Variants in DARS1 observed in about 807,000 individuals in gnomAD.
The protein encoded by DARS1 is aspartyl-tRNA synthetase 1, also known as aspartate--tRNA ligase, cytoplasmic.
Under a neutral mutation model 68.8 loss-of-function variants are expected in DARS1, and 51 were observed. The ratio of observed to expected loss-of-function variants is 0.74; its 90% CI spans 0.59 to 0.94. DARS1 has a LOEUF of 0.94. DARS1 is among the 40% of genes least tolerant of loss of function. DARS1 has a pLI of 0.00. For synonymous variants in DARS1, 203 were observed against 190.4 expected (o/e 1.07, Z -0.55); for missense variants, 607 against 597.3 (o/e 1.02, Z -0.17).
chr2:135,938,773 A>G (rs898456369), intron 5 of DARS1, among the ~76,000 whole-genome samples: 1 of 152,152 alleles, frequency 6.6e-6, no homozygotes. Flanking sequence ...CCCATCTCAC[A>G]TGCAGAGACA....
chr2:135,915,320 C>T (rs1012758168), intron 11 of DARS1, among the ~76,000 whole-genome samples: 17 of 152,164 alleles, frequency 1.1e-4, no homozygotes, highest in African/African-American at 3.9e-4. Flanking sequence ...GGCTTTCACT[C>T]TGTCACCCAG....
chr2:135,964,816 G>A (rs1377189088), intron 3 of DARS1, among the ~76,000 whole-genome samples: 1 of 138,870 alleles, frequency 7.2e-6, no homozygotes, highest in East Asian at 2.1e-4. Context: ...ACTCCAGCCT[G>A]GGTAACAGAG....
intron 3 of DARS1, among the ~76,000 whole-genome samples, chr2:135,977,748 T>C (rs2104847754): frequency 6.6e-6 from 1 of 152,298 alleles, no homozygotes; most frequent in Non-Finnish European, 1.5e-5. Context: ...CTCTTAACAA[T>C]GGTGGCCCTA....
At position 135,983,406 on chromosome 2, in the gene DARS1, C is replaced by G; in HGVS notation, c.115G>C (p.Glu39Gln). The G allele has an allele frequency of 8.5e-7, 1 of 1,170,756 alleles. No homozygotes were observed. Among genetic ancestry groups the G allele is most frequent in the Non-Finnish European group, 1.3e-6 (1 of 782,790 alleles). 72.5% of individuals were successfully genotyped at this position (1,170,756 alleles called of 1,614,324 possible). A position where few individuals can be genotyped will look rare whatever the true frequency, so the allele number is the denominator to read the frequency against. ...YGISSMIQSQ[E>Q]KPDRVLVRVR... Reference sequence around the variant, plus strand: ...TCACATAGCTACTAACCTGGTTTTTCTTGTGATTGTATCATTGAAGATATT... The same window carrying G: ...TCACATAGCTACTAACCTGGTTTTTGTTGTGATTGTATCATTGAAGATATT... The change falls in exon 2 of 16, where the codon GAA becomes CAA. Residue 39 changes from glutamate (E) to glutamine (Q), a missense_variant. Transcript: ENST00000264161.
chr2:135,932,323 A>G (rs1558783919), intron 7 of DARS1, among the ~76,000 whole-genome samples: 1 of 152,234 alleles, frequency 6.6e-6, no homozygotes, highest in African/African-American at 2.4e-5. Context: ...AGACTACTGC[A>G]TAAACCACCA....
chr2:135,955,395 T>C (rs898142142), intron 4 of DARS1, among the ~76,000 whole-genome samples: 1 of 152,038 alleles, frequency 6.6e-6, no homozygotes, highest in Admixed American at 6.6e-5. Flanking sequence ...CACATTCAAA[T>C]GAGTAATTTT....
chr2:135,974,268 G>C (rs2104844977), intron 3 of DARS1, among the ~76,000 whole-genome samples: 1 of 152,316 alleles, frequency 6.6e-6, no homozygotes, highest in African/African-American at 2.4e-5. Flanking sequence ...GCATGACTGA[G>C]AATGACCACA....
At chr2:135,921,556 T>C (rs1681110586) in intron 9 of DARS1, among the ~76,000 whole-genome samples, 1 of 152,188 alleles carries the variant, frequency 6.6e-6, no homozygotes, top group Admixed American at 6.6e-5. Context: ...ACCCATTTGC[T>C]GATGGTATAG....
intron 1 of DARS1, chr2:135,985,072 T>C (rs1400849345): frequency 7.9e-6 from 3 of 381,976 alleles, no homozygotes; most frequent in Non-Finnish European, 1.4e-5. Context: ...CCAGGGATTG[T>C]GCATTACGTG....
chr2:135,968,805 G>A (rs968184887), intron 3 of DARS1, among the ~76,000 whole-genome samples: 3 of 151,996 alleles, frequency 2.0e-5, no homozygotes, highest in Admixed American at 6.6e-5. Flanking sequence ...GGGATTACAG[G>A]CGTGTGCCAT....
At chr2:135,963,072 A>G (rs972887338) in intron 3 of DARS1, among the ~76,000 whole-genome samples, 3 of 152,222 alleles carry the variant, frequency 2.0e-5, no homozygotes, top group African/African-American at 4.8e-5. Context: ...GAAAGAATGG[A>G]GAACTCTAAA....
chr2:135,971,720 C>T lies in DARS1; in HGVS notation c.217+7554G>A, dbSNP rs78638278. 9.9e-3 allele frequency among the ~76,000 whole-genome samples: 1,504 copies of T among 152,004 alleles called. 16 individuals are homozygous for T. The highest frequency in any genetic ancestry group is 0.032 in the African/African-American group (1,340 of 41,456). The stretch of plus-strand genomic sequence containing the variant: ...AAGACTCCAGCAAAACCTATCAGAA[C>T]GGATAAATTCAGTAATCAGTAAAGT... On this transcript the variant is annotated intron_variant, in intron 3 of 15. Transcript: ENST00000264161.
chr2:135,920,732 C>G lies in DARS1; in HGVS notation c.812-132G>C, dbSNP rs1348775372. On this transcript the variant is annotated intron_variant, in intron 9 of 15. Transcript: ENST00000264161. ...TCATATTACAGGGCTGGAAGGACCT[C>G]TGATGAACCATCTGTTTGAGCATTA... 7 of 1,162,244 alleles carry G rather than the reference C, an allele frequency of 6.0e-6. No homozygotes were observed. The African/African-American group carries it at 1.1e-4, about 19-fold the overall frequency. 72.0% of individuals were successfully genotyped at this position (1,162,244 alleles called of 1,614,324 possible).
chr2:135,921,364 T>C (rs1297681060), intron 9 of DARS1, among the ~76,000 whole-genome samples: 1 of 152,056 alleles, frequency 6.6e-6, no homozygotes, highest in Non-Finnish European at 1.5e-5. Context: ...GTCTTATTTT[T>C]GTTTTCTTGT....
chr2:135,959,417 AAAAAAAAAAAAAAAAG>A lies in DARS1; in HGVS notation c.320+1963_320+1978del, dbSNP rs1299310999. Among the ~76,000 whole-genome samples the A allele has an allele frequency of 2.9e-3, 429 of 147,098 alleles. 8 individuals are homozygous for A. The highest frequency in any genetic ancestry group is 9.8e-3 in the African/African-American group (389 of 39,726). On this transcript the variant is annotated intron_variant, in intron 4 of 15. Coordinates refer to ENST00000264161, the MANE Select transcript of DARS1 (RefSeq NM_001349.4). ...AAAAAAAAAAAAAAAAAAAAAAAAAAAAAAAAAAAAAAAAAGATCGCCCGTATATCATCCCATTTGG... is the reference window on the plus strand; with the variant it reads ...AAAAAAAAAAAAAAAAAAAAAAAAAAATCGCCCGTATATCATCCCATTTGG...
intron 3 of DARS1, among the ~76,000 whole-genome samples, chr2:135,964,916 T>A (rs1250677080): frequency 4.6e-5 from 7 of 151,544 alleles, no homozygotes; most frequent in African/African-American, 1.7e-4. Context: ...CTTATTAGAT[T>A]TAATTCTAAA....
intron 7 of DARS1, among the ~76,000 whole-genome samples, chr2:135,931,322 A>C (rs1681343780): frequency 6.6e-6 from 1 of 152,158 alleles, no homozygotes. Context: ...CTGCAGACTC[A>C]ACCTCCTGGG....
At position 135,985,317 on chromosome 2, in the gene DARS1, T is replaced by C. The variant is rs1210513927; in HGVS notation, c.66+86A>G. On this transcript the variant is annotated intron_variant, in intron 1 of 15. Transcript: ENST00000264161. Reference sequence around the variant, plus strand: ...CGGAGAACGTGCCGACAAGGACCTGTAGGGCCCCACTCCCCCTCCTCCCTC... The same window carrying C: ...CGGAGAACGTGCCGACAAGGACCTGCAGGGCCCCACTCCCCCTCCTCCCTC... 1.0e-5 allele frequency: 16 copies of C among 1,526,386 alleles called. No homozygotes were observed. The East Asian group carries it at 2.5e-4, about 24-fold the overall frequency. The allele number at this position is 1,526,386 out of a possible 1,614,324, so 94.6% of individuals were successfully genotyped here. A position where few individuals can be genotyped will look rare whatever the true frequency, so the allele number is the denominator to read the frequency against.
At chr2:135,950,687 C>T (rs1370570129) in intron 4 of DARS1, among the ~76,000 whole-genome samples, 2 of 152,170 alleles carry the variant, frequency 1.3e-5, no homozygotes, top group African/African-American at 4.8e-5. Flanking sequence ...GAATGAGATC[C>T]TGAAGAGGTC....
Sources: allele counts gnomAD v4.1 joint callset (sites outside exome capture counted in the v4.1 genomes callset), GRCh38; gene constraint gnomAD v4.1.1; transcripts MANE v1.5; gene names NCBI Gene and HGNC (gene_info 2026-07-23, HGNC 2026-07-21).